Variants in CDC14B observed in about 807,000 individuals in gnomAD.
CDC14B encodes cell division cycle 14B.
Under a neutral mutation model 64.2 loss-of-function variants are expected in CDC14B, and 22 were observed. That is an observed-to-expected ratio of 0.34 (90% CI 0.24 to 0.49). The LOEUF (loss-of-function observed/expected upper bound fraction) is 0.49, where lower values mean the gene tolerates loss of function less well. Among genes scored for constraint, CDC14B ranks in the 20% least tolerant of loss-of-function variants. CDC14B has a pLI of 0.99. For missense variants in CDC14B, 498 were observed against 629.9 expected (o/e 0.79, Z 2.24); for synonymous variants, 191 against 215.8 (o/e 0.89, Z 1.01).
At chr9:96,578,139 A>C (rs909641483) in intron 1 of CDC14B, among the ~76,000 whole-genome samples, 12 of 152,360 alleles carry the variant, frequency 7.9e-5, no homozygotes, top group Admixed American at 5.9e-4. Flanking sequence ...ATAGTCAAAT[A>C]AAGAACAATT....
At chr9:96,575,863 T>A (rs1588017745) in intron 1 of CDC14B, among the ~76,000 whole-genome samples, 1 of 152,176 alleles carries the variant, frequency 6.6e-6, no homozygotes, top group African/African-American at 2.4e-5. Context: ...TCAAGCTATA[T>A]GTTTAATAAA....
downstream of CDC14B, among the ~76,000 whole-genome samples, chr9:96,495,791 C>T (rs574764328): frequency 4.1e-4 from 62 of 152,218 alleles, no homozygotes; most frequent in Admixed American, 1.2e-3. Flanking sequence ...TGAGGCTCCC[C>T]GGCAGGCCCA....
chr9:96,587,134 C>T (rs1228240810), intron 1 of CDC14B, among the ~76,000 whole-genome samples: 1 of 152,134 alleles, frequency 6.6e-6, no homozygotes, highest in African/African-American at 2.4e-5. Flanking sequence ...GATTGCACCA[C>T]TGCACTCTAG....
intron 12 of CDC14B, among the ~76,000 whole-genome samples, chr9:96,516,680 T>G (rs2131413411): frequency 6.6e-6 from 1 of 152,282 alleles, no homozygotes; most frequent in African/African-American, 2.4e-5. Flanking sequence ...TTCACCACGT[T>G]GGCCAGGCTG....
In CDC14B at chr9:96,598,857, G is replaced by C. The variant is rs140535788; in HGVS notation, c.160+20362C>G. 1.3e-3 allele frequency among the ~76,000 whole-genome samples: 195 copies of C among 152,220 alleles called. 1 individual carries two copies. Among genetic ancestry groups the C allele is most frequent in the Middle Eastern group, 3.4e-3 (1 of 294 alleles). On this transcript the variant is annotated intron_variant, in intron 1 of 13. Coordinates refer to ENST00000375241, the MANE Select transcript of CDC14B (RefSeq NM_033331.4). The stretch of plus-strand genomic sequence containing the variant: ...TAAAGACAGAAAACAATCCACATGA[G>C]TATCAATAAGGGCTTGCTTAAAGAT...
At chr9:96,590,870 G>C (rs1845750329) in intron 1 of CDC14B, among the ~76,000 whole-genome samples, 1 of 152,032 alleles carries the variant, frequency 6.6e-6, no homozygotes, top group Admixed American at 6.6e-5. Context: ...TCTGGCTGTG[G>C]AGCAGTTTTC....
rs372237211 is a variant in CDC14B, at chr9:96,611,356, GTC to G, written c.160+7861_160+7862del. ...AAGATTAGTTAGTTCCTGCGAACCAGTCTGTTTGTCTCTAATACAATCTCTTC... is the reference window on the plus strand; with the variant it reads ...AAGATTAGTTAGTTCCTGCGAACCAGTGTTTGTCTCTAATACAATCTCTTC... On this transcript the variant is annotated intron_variant, in intron 1 of 13. Transcript: ENST00000375241. 4.8e-3 allele frequency among the ~76,000 whole-genome samples: 727 copies of G among 152,310 alleles called. 8 individuals are homozygous for G. Among genetic ancestry groups the G allele is most frequent in the African/African-American group, 0.017 (687 of 41,560 alleles).
chr9:96,577,648 C>G (rs1408948473), intron 1 of CDC14B, among the ~76,000 whole-genome samples: 1 of 152,062 alleles, frequency 6.6e-6, no homozygotes, highest in Non-Finnish European at 1.5e-5. Context: ...GTGCCAAGAC[C>G]CCACCGAACT....
chr9:96,591,037 G>A lies in CDC14B; in HGVS notation c.161-25554C>T, dbSNP rs371749508. On this transcript the variant is annotated intron_variant, in intron 1 of 13. Coordinates refer to ENST00000375241, the MANE Select transcript of CDC14B (RefSeq NM_033331.4). ...TGTGCTATCCCCTTATCAGAGATAC[G>A]GTTTGCTTCCATTCTAGGTTGTCTT... Among the ~76,000 whole-genome samples the A allele has an allele frequency of 9.2e-5, 14 of 152,198 alleles. No homozygotes were observed. In the South Asian group the frequency reaches 2.5e-3, roughly 27 times the overall value.
chr9:96,568,732 A>G lies in CDC14B; in HGVS notation c.161-3249T>C, dbSNP rs887522340. ...GGAGTTCGAGACTAGCCTGGCCAAC[A>G]TGGTGAAACCCTGACTCTACTAAAA... On this transcript the variant is annotated intron_variant, in intron 1 of 13. Coordinates refer to ENST00000375241, the MANE Select transcript of CDC14B (RefSeq NM_033331.4). 2.0e-5 allele frequency among the ~76,000 whole-genome samples: 3 copies of G among 152,290 alleles called. No homozygotes were observed. The East Asian group carries it at 5.8e-4, about 29-fold the overall frequency.
downstream of CDC14B, among the ~76,000 whole-genome samples, chr9:96,499,184 G>A (rs1294201178): frequency 3.3e-5 from 5 of 152,230 alleles, no homozygotes; most frequent in Non-Finnish European, 7.3e-5. Flanking sequence ...GAACACTCTG[G>A]GGGGTCATGT....
intron 1 of CDC14B, among the ~76,000 whole-genome samples, chr9:96,600,355 C>G (rs1379402453): frequency 6.6e-6 from 1 of 151,786 alleles, no homozygotes; most frequent in Admixed American, 6.6e-5. Flanking sequence ...CAGATGAGGG[C>G]AAGGAGGGGC....
Position 96,565,457 on chromosome 9 carries a change from T to G in CDC14B, c.187A>C (p.Ser63Arg). 6.2e-7 allele frequency: 1 copy of G among 1,612,114 alleles called. No individual in the cohort carries two copies. Among genetic ancestry groups the G allele is most frequent in the Non-Finnish European group, 8.5e-7 (1 of 1,178,276 alleles). The change falls in exon 2 of 14, where the codon AGC (serine) becomes CGC (arginine). Residue 63 changes from serine to arginine, a missense_variant. By Grantham distance (110) the Ser-to-Arg change is moderately radical. Coordinates refer to ENST00000375241, the MANE Select transcript of CDC14B (RefSeq NM_033331.4). ...TDRLCFAILY[S>R]RPKSASNVHY... ...ACATTTGATGCACTCTTTGGTCTGC[T>G]GTAGAGAATGGCAAAACAAAGGCGA...
chr9:96,549,550 AG>A (rs1475309464), intron 5 of CDC14B, among the ~76,000 whole-genome samples: 1 of 152,120 alleles, frequency 6.6e-6, no homozygotes, highest in Non-Finnish European at 1.5e-5. Flanking sequence ...CTGTAGTCCT[AG>A]CTACTCGGGA....
At position 96,523,548 on chromosome 9, in the gene CDC14B, C is replaced by G. The variant is rs745482298; in HGVS notation, c.1085+39G>C. 3 of 1,612,824 alleles carry G rather than the reference C, an allele frequency of 1.9e-6. No individual in the cohort carries two copies. The South Asian group carries it at 3.3e-5, about 18-fold the overall frequency. The stretch of plus-strand genomic sequence containing the variant: ...CACTCCCCATCAGATTCCAACCCCA[C>G]ATGTTCCCTGGGAACTACAGACGTA... On this transcript the variant is annotated intron_variant, in intron 10 of 13. Coordinates refer to ENST00000375241, the MANE Select transcript of CDC14B (RefSeq NM_033331.4).
At chr9:96,509,845 T>C in intron 12 of CDC14B, 56 bp from the exon 13 acceptor site, 2 of 1,073,488 alleles carry the variant, frequency 1.9e-6, no homozygotes, top group African/African-American at 1.6e-5. Flanking sequence ...TTGCAAATAC[T>C]TGACAGAGGA....
downstream of CDC14B, chr9:96,496,359 G>A (rs965990665): frequency 5.8e-6 from 3 of 512,870 alleles, no homozygotes; most frequent in Non-Finnish European, 7.8e-6. Flanking sequence ...GCCAACCATC[G>A]CTGGAAAAGG....
chr9:96,607,049 AT>A (rs1480223268), intron 1 of CDC14B, among the ~76,000 whole-genome samples: 4 of 151,740 alleles, frequency 2.6e-5, no homozygotes, highest in African/African-American at 9.7e-5. Context: ...AAAAAAAAAA[AT>A]TTAAATAAGA....
At chr9:96,617,089 G>A (rs1847677655) in intron 1 of CDC14B, among the ~76,000 whole-genome samples, 1 of 143,846 alleles carries the variant, frequency 7.0e-6, no homozygotes, top group African/African-American at 2.7e-5. Context: ...TCCGTTATTA[G>A]GGCTTGCAAT....
Sources: allele counts gnomAD v4.1 joint callset (sites outside exome capture counted in the v4.1 genomes callset), GRCh38; gene constraint gnomAD v4.1.1; transcripts MANE v1.5; gene names NCBI Gene and HGNC (gene_info 2026-07-23, HGNC 2026-07-21).